The following CADM2 variants were observed in gnomAD, a reference collection of about 807,000 sequenced individuals.
CADM2 encodes the protein cell adhesion molecule 2.
In CADM2, 12 loss-of-function variants were observed where a neutral mutation model predicts 49.8. The observed-to-expected ratio is 0.24, with a 90% confidence interval of 0.15 to 0.39. The LOEUF (loss-of-function observed/expected upper bound fraction) is 0.39. CADM2 is among the 10% of genes least tolerant of loss of function. The pLI is 1.00. For synonymous variants in CADM2, 214 were observed against 175.4 expected (o/e 1.22, Z -1.74); for missense variants, 378 against 492.3 (o/e 0.77, Z 2.20).
intron 1 of CADM2, among the ~76,000 whole-genome samples, chr3:85,317,325 A>G (rs970336084): frequency 4.6e-5 from 7 of 152,114 alleles, no homozygotes; most frequent in Non-Finnish European, 7.4e-5. Context: ...TGACAGATAT[A>G]TTTTGTGAAG....
chr3:85,054,642 GA>G (rs1327767907), intron 1 of CADM2, among the ~76,000 whole-genome samples: 2 of 151,810 alleles, frequency 1.3e-5, no homozygotes, highest in Non-Finnish European at 2.9e-5. Context: ...GGAGAAATGC[GA>G]TCTTTGTTCC....
intron 1 of CADM2, among the ~76,000 whole-genome samples, chr3:85,051,957 G>T (rs1241283819): frequency 6.6e-6 from 1 of 152,028 alleles, no homozygotes; most frequent in South Asian, 2.1e-4. Flanking sequence ...AGAAATGGGG[G>T]TTGAGGAGCC....
chr3:85,903,494 C>A (rs1384835370), intron 5 of CADM2, among the ~76,000 whole-genome samples: 5 of 151,962 alleles, frequency 3.3e-5, no homozygotes, highest in Admixed American at 3.3e-4. Flanking sequence ...TTTTTTCCTT[C>A]TTTTAGCACT....
intron 1 of CADM2, among the ~76,000 whole-genome samples, chr3:85,367,609 G>A (rs555196795): frequency 6.6e-6 from 1 of 151,772 alleles, no homozygotes; most frequent in Admixed American, 6.6e-5. Flanking sequence ...TAAGTGCTAT[G>A]GAAATTAGAA....
At chr3:85,188,506 G>A (rs114390524) in intron 1 of CADM2, among the ~76,000 whole-genome samples, 4,996 of 151,888 alleles carry the variant, frequency 0.033, 256 homozygotes, top group African/African-American at 0.11. Flanking sequence ...TATAAATATA[G>A]CAATTTATTC....
intron 1 of CADM2, among the ~76,000 whole-genome samples, chr3:85,078,056 A>C (rs2037015836): frequency 6.6e-6 from 1 of 152,102 alleles, no homozygotes. Flanking sequence ...AACTTCATTA[A>C]ATTATACGTG....
chr3:85,218,437 T>A (rs1027821531), intron 1 of CADM2, among the ~76,000 whole-genome samples: 1 of 152,108 alleles, frequency 6.6e-6, no homozygotes, highest in Admixed American at 6.5e-5. Flanking sequence ...TCATAACCCC[T>A]CAGTGCTCCA....
chr3:85,754,526 CTAGT>C (rs1435224117), intron 2 of CADM2, among the ~76,000 whole-genome samples: 1 of 152,098 alleles, frequency 6.6e-6, no homozygotes, highest in Non-Finnish European at 1.5e-5. Flanking sequence ...ATAATGTACC[CTAGT>C]TATTTTATGA....
At chr3:86,043,989 G>C (rs998848803) in intron 8 of CADM2, among the ~76,000 whole-genome samples, 8 of 150,840 alleles carry the variant, frequency 5.3e-5, no homozygotes, top group Admixed American at 4.6e-4. Flanking sequence ...AAATGGTGCT[G>C]GGAAAACTGG....
rs1396935005 is a variant in CADM2 at position 86,073,826 on chromosome 3, C to T, written c.*7043C>T. 1 of 151,822 alleles carries T rather than the reference C, an allele frequency of 6.6e-6. No individual in the cohort carries two copies. The highest frequency in any genetic ancestry group is 6.6e-5 in the Admixed American group (1 of 15,204). The allele number at this position is 151,822 out of a possible 1,614,324, so 9.4% of individuals were successfully genotyped here. ...CCTTTTTTTCAACTTCATACATTATCCATCCATTTTAGTTTTCCTCGATGA... is the reference window on the plus strand; with the variant it reads ...CCTTTTTTTCAACTTCATACATTATTCATCCATTTTAGTTTTCCTCGATGA... On this transcript the variant is annotated 3_prime_UTR_variant, in exon 10 of 10. Transcript: ENST00000383699.
intron 1 of CADM2, among the ~76,000 whole-genome samples, chr3:85,132,290 C>A (rs756940075): frequency 6.6e-6 from 1 of 152,100 alleles, no homozygotes; most frequent in African/African-American, 2.4e-5. Flanking sequence ...CAAAGAACCC[C>A]GTGACTACCT....
chr3:86,035,530 A>G (rs1424308801), intron 8 of CADM2, among the ~76,000 whole-genome samples: 2 of 152,102 alleles, frequency 1.3e-5, no homozygotes, highest in East Asian at 1.9e-4. Context: ...AAGAACGCAT[A>G]TATAGTATAC....
At chr3:85,674,707 G>A (rs1295283614) in intron 1 of CADM2, among the ~76,000 whole-genome samples, 1 of 152,024 alleles carries the variant, frequency 6.6e-6, no homozygotes, top group African/African-American at 2.4e-5. Context: ...ATAGCACCAG[G>A]ATTTTTAATA....
chr3:85,656,842 A>G (rs35666370), intron 1 of CADM2, among the ~76,000 whole-genome samples: 1,644 of 152,264 alleles, frequency 0.011, 13 homozygotes, highest in Admixed American at 0.018. Context: ...TTTTCAATGA[A>G]TCCCCATTGC....
chr3:85,546,719 C>T (rs1479676773), intron 1 of CADM2, among the ~76,000 whole-genome samples: 2 of 152,024 alleles, frequency 1.3e-5, no homozygotes, highest in Admixed American at 6.6e-5. Context: ...GATTTCCCTG[C>T]TAATATCTGT....
At chr3:85,860,243 A>G (rs2075474692) in intron 3 of CADM2, among the ~76,000 whole-genome samples, 1 of 152,174 alleles carries the variant, frequency 6.6e-6, no homozygotes, top group African/African-American at 2.4e-5. Flanking sequence ...TTTGTGCCAC[A>G]CACTCTTACG....
At position 85,230,563 on chromosome 3, in the gene CADM2, T is replaced by C. The variant is rs78814000; in HGVS notation, c.61+270895T>C. Among the ~76,000 whole-genome samples, 583 of 152,292 alleles carry C rather than the reference T, an allele frequency of 3.8e-3. 1 individual carries two copies. Among genetic ancestry groups the C allele is most frequent in the African/African-American group, 0.013 (558 of 41,564 alleles). On this transcript the variant is annotated intron_variant, in intron 1 of 9. Coordinates refer to ENST00000383699, the MANE Select transcript of CADM2 (RefSeq NM_001167675.2). ...GGTCATTATCCAGTTGTGTAACAAATAGACTTGTGCTTAAAAAGCTTAACT... is the reference window on the plus strand; with the variant it reads ...GGTCATTATCCAGTTGTGTAACAAACAGACTTGTGCTTAAAAAGCTTAACT...
chr3:85,295,374 T>A (rs2043930207), intron 1 of CADM2, among the ~76,000 whole-genome samples: 1 of 152,146 alleles, frequency 6.6e-6, no homozygotes, highest in African/African-American at 2.4e-5. Context: ...ATTGTGAAAG[T>A]CAGTGTGGCG....
chr3:85,356,237 T>A (rs1434964362), intron 1 of CADM2, among the ~76,000 whole-genome samples: 1 of 152,086 alleles, frequency 6.6e-6, no homozygotes, highest in Non-Finnish European at 1.5e-5. Flanking sequence ...TATTCAGGGA[T>A]GTTTTTCTGT....
Sources: allele counts gnomAD v4.1 joint callset (sites outside exome capture counted in the v4.1 genomes callset), GRCh38; gene constraint gnomAD v4.1.1; transcripts MANE v1.5; gene names NCBI Gene and HGNC (gene_info 2026-07-23, HGNC 2026-07-21).